The following YEATS2 variants were observed in gnomAD, a reference collection of about 807,000 sequenced individuals.
The protein encoded by YEATS2 is YEATS domain containing 2.
Under a neutral mutation model 163.2 loss-of-function variants are expected in YEATS2, and 77 were observed. The ratio of observed to expected loss-of-function variants is 0.47; its 90% confidence interval spans 0.39 to 0.57. YEATS2 has a LOEUF of 0.57. Ranked by LOEUF, YEATS2 falls within the 20% of genes least tolerant of loss-of-function variation. The pLI, the probability that YEATS2 is intolerant of heterozygous loss-of-function variation, is 0.00. For missense variants in YEATS2, 1,549 were observed against 1,729.8 expected (o/e 0.90, Z 1.85); for synonymous variants, 631 against 645.1 (o/e 0.98, Z 0.33).
In YEATS2 at chr3:183,719,579, T is replaced by A. The variant is rs145876764; in HGVS notation, c.291+987T>A. ...ACTTTGGAGTAATTTATAAATTGAT[T>A]GAGTTTTCTTTGACCTTTTAGTCTA... On this transcript the variant is annotated intron_variant, in intron 4 of 30. Transcript: ENST00000305135. Among the ~76,000 whole-genome samples the A allele has an allele frequency of 5.6e-3, 849 of 152,372 alleles. 9 individuals carry two copies. Among genetic ancestry groups the A allele is most frequent in the African/African-American group, 0.018 (765 of 41,584 alleles).
chr3:183,702,920 G>C (rs1714257973), intron 1 of YEATS2, among the ~76,000 whole-genome samples: 1 of 152,102 alleles, frequency 6.6e-6, no homozygotes. Context: ...GGATAATTTA[G>C]AGGAGCTGTT....
At chr3:183,777,783 A>G in intron 19 of YEATS2, 83 bp downstream of exon 19, 2 of 1,484,976 alleles carry the variant, frequency 1.3e-6, no homozygotes, top group Non-Finnish European at 1.8e-6. Flanking sequence ...CTCTCTTTTC[A>G]CAAAGAAATT....
Position 183,795,518 on chromosome 3 carries a change from C to T in YEATS2, c.3098-2405C>T, listed in dbSNP as rs979213590. Among the ~76,000 whole-genome samples, 53 of 133,648 alleles carry T rather than the reference C, an allele frequency of 4.0e-4. 1 individual carries two copies. Among genetic ancestry groups the T allele is most frequent in the African/African-American group, 1.5e-3 (53 of 35,786 alleles). 87.7% of individuals were successfully genotyped at this position (133,648 alleles called of 152,430 possible). The stretch of plus-strand genomic sequence containing the variant: ...GTCTTGCTTTGTTGCCGAGGCTGGT[C>T]TCAAACTCCTGGCCTCAACCAGTCC... On this transcript the variant is annotated intron_variant, in intron 21 of 30. Transcript: ENST00000305135.
chr3:183,744,977 A>G (rs1187852142), intron 8 of YEATS2, among the ~76,000 whole-genome samples: 4 of 151,918 alleles, frequency 2.6e-5, no homozygotes, highest in Admixed American at 6.6e-5. Flanking sequence ...CAGCCTCCCA[A>G]ATAGCTGGGA....
rs775907559 is a variant in YEATS2, at chr3:183,717,726, A to T, written c.176A>T (p.His59Leu). 22 of 1,557,650 alleles carry T rather than the reference A, an allele frequency of 1.4e-5. No homozygotes were observed. The highest frequency in any genetic ancestry group is 1.8e-5 in the Non-Finnish European group (21 of 1,160,180). ...QFALEMKNKE[H>L]EIEVIDQRLI... ...GCTCTTGAAATGAAGAATAAGGAACATGAAATTGAAGTCATTGACCAGGTA... is the reference window on the plus strand; with the variant it reads ...GCTCTTGAAATGAAGAATAAGGAACTTGAAATTGAAGTCATTGACCAGGTA... The change falls in exon 3 of 31, where the codon CAT becomes CTT. Residue 59 changes from histidine to leucine, a missense_variant. Transcript: ENST00000305135.
At chr3:183,730,880 G>T (rs1717708999) in intron 7 of YEATS2, among the ~76,000 whole-genome samples, 1 of 152,176 alleles carries the variant, frequency 6.6e-6, no homozygotes, top group Non-Finnish European at 1.5e-5. Context: ...GCTGAGTAAG[G>T]AGAGAATATA....
chr3:183,779,115 T>TA (rs1723300362), intron 19 of YEATS2, among the ~76,000 whole-genome samples: 1 of 152,072 alleles, frequency 6.6e-6, no homozygotes, highest in Non-Finnish European at 1.5e-5. Flanking sequence ...TTCACCATGT[T>TA]GGTCAGGCTG....
Position 183,811,061 on chromosome 3 carries a change from C to A in YEATS2, c.*478C>A. The A allele has an allele frequency of 5.9e-6, 1 of 169,400 alleles. No individual in the cohort carries two copies. The highest frequency in any genetic ancestry group is 1.5e-4 in the South Asian group (1 of 6,474). 10.5% of individuals were successfully genotyped at this position (169,400 alleles called of 1,614,324 possible). A position where few individuals can be genotyped will look rare whatever the true frequency, so the allele number is the denominator to read the frequency against. Reference sequence around the variant, plus strand: ...CTTCAGCAGGTGGTTCTCTCCCATGCCTGGCCTTGGTGTGGAGGGGCTGTA... The same window carrying A: ...CTTCAGCAGGTGGTTCTCTCCCATGACTGGCCTTGGTGTGGAGGGGCTGTA... On this transcript the variant is annotated 3_prime_UTR_variant, in exon 31 of 31. Transcript: ENST00000305135.
chr3:183,711,222 G>C (rs1436153993), intron 1 of YEATS2, among the ~76,000 whole-genome samples: 1 of 152,076 alleles, frequency 6.6e-6, no homozygotes, highest in East Asian at 1.9e-4. Context: ...TGTAATCCCA[G>C]CACTTTGGGA....
chr3:183,722,111 A>T lies in YEATS2; in HGVS notation c.512A>T (p.Gln171Leu), dbSNP rs111640044. Residue 171 changes from glutamine to leucine, a missense_variant, in exon 5 of 31, where the codon CAG becomes CTG. Transcript: ENST00000305135. ...IEERLSNNME[Q>L]RPSRNTGRDT... Reference sequence around the variant, plus strand: ...GAAAGACTCTCAAACAACATGGAGCAGAGACCAAGCCGAAATACTGGAAGG... The same window carrying T: ...GAAAGACTCTCAAACAACATGGAGCTGAGACCAAGCCGAAATACTGGAAGG... 1.2e-5 allele frequency: 20 copies of T among 1,614,080 alleles called. No individual in the cohort carries two copies. The highest frequency in any genetic ancestry group is 1.1e-4 in the African/African-American group (8 of 75,008).
At chr3:183,797,066 C>T (rs1436493116) in intron 21 of YEATS2, among the ~76,000 whole-genome samples, 4 of 151,416 alleles carry the variant, frequency 2.6e-5, no homozygotes, top group East Asian at 2.0e-4. Flanking sequence ...GTTGGGAGTT[C>T]GAGACCAGCC....
chr3:183,745,192 T>C (rs1479702938), intron 8 of YEATS2, among the ~76,000 whole-genome samples: 1 of 152,220 alleles, frequency 6.6e-6, no homozygotes, highest in Non-Finnish European at 1.5e-5. Context: ...TGTCTCCTGA[T>C]AGGCTTTTAA....
intron 10 of YEATS2, 132 bp downstream of exon 10, chr3:183,752,385 G>T: frequency 1.8e-6 from 2 of 1,136,034 alleles, no homozygotes; most frequent in Non-Finnish European, 2.5e-6. Flanking sequence ...ACACAGTTCT[G>T]TTATGAAAGC....
chr3:183,752,037 TG>T (rs1720221228), intron 9 of YEATS2, 35 bp from the exon 10 acceptor site: 4 of 1,609,670 alleles, frequency 2.5e-6, no homozygotes, highest in Non-Finnish European at 2.5e-6. Context: ...ACATTGATGA[TG>T]GACTCATGAG....
At chr3:183,751,349 A>G (rs1335733799) in intron 9 of YEATS2, among the ~76,000 whole-genome samples, 1 of 152,218 alleles carries the variant, frequency 6.6e-6, no homozygotes, top group Non-Finnish European at 1.5e-5. Context: ...ATAAATTTTG[A>G]AATCAGGAGT....
intron 25 of YEATS2, chr3:183,802,328 A>G (rs993575843): frequency 6.5e-6 from 1 of 152,854 alleles, no homozygotes; most frequent in South Asian, 2.1e-4. Context: ...CACCAGGTAC[A>G]GACCACCTAC....
rs1353211679 is a variant in YEATS2 at position 183,718,480 on chromosome 3, G to C, written c.199-20G>C. 75 of 1,584,984 alleles carry C rather than the reference G, an allele frequency of 4.7e-5. No individual in the cohort carries two copies. The highest frequency in any genetic ancestry group is 6.4e-5 in the Non-Finnish European group (74 of 1,163,304). On this transcript the variant is annotated intron_variant, in intron 3 of 30. Coordinates refer to ENST00000305135, the MANE Select transcript of YEATS2 (RefSeq NM_018023.5). ...TATAATTGCCGTTTTTTAAAGTAATGAGTTAACATTTGTTTTTAGCGACTG... is the reference window on the plus strand; with the variant it reads ...TATAATTGCCGTTTTTTAAAGTAATCAGTTAACATTTGTTTTTAGCGACTG...
chr3:183,755,298 G>A (rs1001387244), intron 11 of YEATS2, among the ~76,000 whole-genome samples: 6 of 152,108 alleles, frequency 3.9e-5, no homozygotes, highest in Admixed American at 1.3e-4. Context: ...TGTATTTTTA[G>A]TAGAGACGGA....
Position 183,776,108 on chromosome 3 carries a change from C to G in YEATS2, c.2562C>G (p.Leu854=). ...SQHLTYTSYI[L]KQTPQGTFLV... ...ACCTGACTTACACATCTTACATCCT[C>G]AAGCAAACTCCCCAGGTCTGGTTCT... is the stretch of plus-strand genomic sequence containing the variant. Residue 854 remains leucine, a synonymous_variant, in exon 18 of 31, where the codon CTC becomes CTG. Coordinates refer to ENST00000305135, the MANE Select transcript of YEATS2 (RefSeq NM_018023.5). 6.3e-7 allele frequency: 1 copy of G among 1,583,384 alleles called. No individual in the cohort carries two copies. The highest frequency in any genetic ancestry group is 8.6e-7 in the Non-Finnish European group (1 of 1,165,254).
Sources: allele counts gnomAD v4.1 joint callset (sites outside exome capture counted in the v4.1 genomes callset), GRCh38; gene constraint gnomAD v4.1.1; transcripts MANE v1.5; gene names NCBI Gene and HGNC (gene_info 2026-07-23, HGNC 2026-07-21).